The following DISC1 variants were observed in gnomAD, a reference collection of about 807,000 sequenced individuals.
DISC1 encodes disrupted in schizophrenia 1 protein.
Under a neutral mutation model 84.5 loss-of-function variants are expected in DISC1, and 57 were observed. The observed-to-expected ratio is 0.67, with a 90% confidence interval of 0.55 to 0.84. The LOEUF (loss-of-function observed/expected upper bound fraction) is 0.84. Ranked by LOEUF, DISC1 falls within the 40% of genes least tolerant of loss-of-function variation. The probability of loss-of-function intolerance (pLI) is 0.00; values close to 1 mark genes in which losing one functional copy is unlikely to be tolerated. For missense variants in DISC1, 1,000 were observed against 1,057.8 expected, an observed-to-expected ratio of 0.95 and a Z score of 0.76; for synonymous variants, 411 against 415.2, an observed-to-expected ratio of 0.99 and a Z score of 0.12.
intron 9 of DISC1, among the ~76,000 whole-genome samples, chr1:231,896,026 G>T (rs958915881): frequency 1.3e-5 from 2 of 152,142 alleles, no homozygotes; most frequent in African/African-American, 4.8e-5. Flanking sequence ...AGGCTGAAAT[G>T]GTGTCATGTG....
intron 9 of DISC1, among the ~76,000 whole-genome samples, chr1:231,922,385 A>G (rs564331621): frequency 6.6e-6 from 1 of 152,222 alleles, no homozygotes; most frequent in African/African-American, 2.4e-5. Flanking sequence ...TTTTACTTGT[A>G]TTGTTGCATT....
At position 231,781,519 on chromosome 1, in the gene DISC1, C is replaced by T. The variant is rs188171431; in HGVS notation, c.1634+10449C>T. Among the ~76,000 whole-genome samples, 19 of 152,270 alleles carry T rather than the reference C, an allele frequency of 1.2e-4. No homozygotes were observed. In the East Asian group the frequency reaches 3.1e-3, roughly 25 times the overall value. On this transcript the variant is annotated intron_variant, in intron 6 of 12. Transcript: ENST00000439617. Reference sequence around the variant, plus strand: ...GATAGTCATTTTAGAATGATCATAGCTAGTTCTAATATTGCAGCTGCAAGT... The same window carrying T: ...GATAGTCATTTTAGAATGATCATAGTTAGTTCTAATATTGCAGCTGCAAGT...
chr1:231,658,865 C>A (rs2061349540), intron 1 of DISC1, among the ~76,000 whole-genome samples: 1 of 152,114 alleles, frequency 6.6e-6, no homozygotes, highest in Non-Finnish European at 1.5e-5. Flanking sequence ...TGATGTGCTG[C>A]TGCATTCAGT....
At chr1:231,955,490 T>A (rs201555316) in intron 9 of DISC1, among the ~76,000 whole-genome samples, 26,592 of 148,996 alleles carry the variant, frequency 0.18, 2,791 homozygotes, top group African/African-American at 0.28. Flanking sequence ...TCTTGACTTT[T>A]TTTTTTTTTT....
At chr1:231,832,380 A>C (rs2082299895) in intron 9 of DISC1, among the ~76,000 whole-genome samples, 1 of 151,632 alleles carries the variant, frequency 6.6e-6, no homozygotes, top group Non-Finnish European at 1.5e-5. Flanking sequence ...CTCTTGTGTA[A>C]GAATTCTGAC....
Position 231,818,466 on chromosome 1 carries a change from G to T in DISC1, c.1930G>T (p.Glu644Ter). ...RNVKKLGSVK[E>*]DYNRLRREVE... ...TGTCAAAAAGCTGGGAAGTGTTAAA[G>T]AAGATTACAACAGACTGAGAAGAGA... The change falls in exon 9 of 13, where the codon GAA (glutamate) becomes TAA (stop). Residue 644 changes from glutamate to a stop codon, truncating the protein, a stop_gained. Coordinates refer to ENST00000439617, the MANE Select transcript of DISC1 (RefSeq NM_018662.3). LOFTEE classifies it high-confidence loss of function. 1 of 1,614,218 alleles carries T rather than the reference G, an allele frequency of 6.2e-7. No homozygotes were observed. The highest frequency in any genetic ancestry group is 8.5e-7 in the Non-Finnish European group (1 of 1,180,030).
chr1:231,972,958 A>C (rs1276323878), intron 10 of DISC1, among the ~76,000 whole-genome samples: 1 of 151,918 alleles, frequency 6.6e-6, no homozygotes, highest in Non-Finnish European at 1.5e-5. Context: ...TTCCTCTACA[A>C]CCTGACCCCA....
intron 9 of DISC1, among the ~76,000 whole-genome samples, chr1:231,879,090 ATT>A (rs547628120): frequency 1.4e-5 from 2 of 138,444 alleles, no homozygotes; most frequent in African/African-American, 5.3e-5. Context: ...AGTGTTTCCG[ATT>A]TTTTTTTTTT....
chr1:231,649,258 C>G (rs900174141), intron 1 of DISC1, among the ~76,000 whole-genome samples: 16 of 152,178 alleles, frequency 1.1e-4, no homozygotes, highest in African/African-American at 3.6e-4. Flanking sequence ...TATGTTGTGT[C>G]TTTGTTCGCA....
At chr1:231,634,676 T>C (rs1258687860) in intron 1 of DISC1, among the ~76,000 whole-genome samples, 1 of 152,234 alleles carries the variant, frequency 6.6e-6, no homozygotes, top group Non-Finnish European at 1.5e-5. Context: ...ATTTCTTCCA[T>C]TGTGTTTATT....
intron 9 of DISC1, among the ~76,000 whole-genome samples, chr1:231,905,737 G>C (rs1185405031): frequency 6.6e-6 from 1 of 152,086 alleles, no homozygotes; most frequent in Non-Finnish European, 1.5e-5. Context: ...CCCTTTTGTT[G>C]TTATAAAAGG....
intron 10 of DISC1, among the ~76,000 whole-genome samples, chr1:232,005,853 G>A (rs1035993847): frequency 2.6e-5 from 4 of 152,176 alleles, no homozygotes; most frequent in African/African-American, 9.7e-5. Context: ...TTATTAAATG[G>A]AAGATAGGTC....
chr1:231,874,059 G>C (rs1438614573), intron 9 of DISC1, among the ~76,000 whole-genome samples: 1 of 151,354 alleles, frequency 6.6e-6, no homozygotes, highest in Non-Finnish European at 1.5e-5. Context: ...TGTTGGCCAG[G>C]CTTGTCTTGA....
At chr1:231,643,589 A>G (rs1032469466) in intron 1 of DISC1, among the ~76,000 whole-genome samples, 1 of 152,230 alleles carries the variant, frequency 6.6e-6, no homozygotes, top group Non-Finnish European at 1.5e-5. Context: ...GCCTCACTGT[A>G]GGCGCTCAAT....
At chr1:231,680,820 T>C (rs1454557642) in intron 1 of DISC1, among the ~76,000 whole-genome samples, 2 of 152,216 alleles carry the variant, frequency 1.3e-5, no homozygotes, top group African/African-American at 4.8e-5. Context: ...AAATGGAGCA[T>C]TTAGAAAGCC....
At chr1:231,928,146 G>A (rs1467661142) in intron 9 of DISC1, among the ~76,000 whole-genome samples, 1 of 152,218 alleles carries the variant, frequency 6.6e-6, no homozygotes, top group Non-Finnish European at 1.5e-5. Context: ...ATTCAGTGAA[G>A]GGCCCTGAAA....
chr1:231,853,008 T>C (rs2084008409), intron 9 of DISC1, among the ~76,000 whole-genome samples: 2 of 152,178 alleles, frequency 1.3e-5, no homozygotes, highest in Admixed American at 6.5e-5. Context: ...CTCTAAAATA[T>C]TAGACTGCAG....
intron 1 of DISC1, chr1:231,685,085 A>G (rs1458087912): frequency 6.6e-6 from 1 of 152,284 alleles, no homozygotes; most frequent in African/African-American, 2.4e-5. Context: ...GATGGCAGCA[A>G]GCCCAGTGCA....
intron 3 of DISC1, among the ~76,000 whole-genome samples, chr1:231,705,203 G>T (rs575935513): frequency 5.5e-5 from 8 of 145,410 alleles, no homozygotes; most frequent in African/African-American, 2.1e-4. Context: ...CAGGAGAATC[G>T]CTTGAACCCG....
Sources: allele counts gnomAD v4.1 joint callset (sites outside exome capture counted in the v4.1 genomes callset), GRCh38; gene constraint gnomAD v4.1.1; transcripts MANE v1.5; gene names NCBI Gene and HGNC (gene_info 2026-07-23, HGNC 2026-07-21).